The following SUMF1 variants were observed in gnomAD, a reference collection of about 807,000 sequenced individuals.
SUMF1 encodes sulfatase modifying factor 1.
A neutral mutation model predicts 47.6 loss-of-function variants in SUMF1; 48 were observed. The ratio of observed to expected loss-of-function variants is 1.01; its 90% CI spans 0.80 to 1.28. The LOEUF is 1.28. Among genes scored for constraint, SUMF1 ranks in the 50% most tolerant of loss-of-function variants. The probability of loss-of-function intolerance (pLI) is 0.00; values close to 1 mark genes in which losing one functional copy is unlikely to be tolerated. For missense variants in SUMF1, 571 were observed against 485.4 expected, an observed-to-expected ratio of 1.18 and a Z score of -1.66; for synonymous variants, 230 against 192.1, an observed-to-expected ratio of 1.20 and a Z score of -1.63.
intron 8 of SUMF1, among the ~76,000 whole-genome samples, chr3:4,225,591 G>A (rs1041575233): frequency 3.9e-5 from 6 of 152,052 alleles, no homozygotes; most frequent in African/African-American, 1.4e-4. Context: ...AAACAGCACT[G>A]GTGAATAGTC....
Position 4,207,518 on chromosome 3 carries a change from G to A in SUMF1, c.1015-138773C>T, listed in dbSNP as rs111731297. On this transcript the variant is annotated intron_variant and NMD_transcript_variant, in intron 8 of 12. Coordinates refer to the SUMF1 transcript ENST00000448413. The stretch of plus-strand genomic sequence containing the variant: ...TTTGTTGAAAATTTTTACCATGAAT[G>A]TATGTTGGATATTTTCAAACGTTTT... 3.9e-5 allele frequency among the ~76,000 whole-genome samples: 6 copies of A among 152,128 alleles called. 1 individual carries two copies. Among genetic ancestry groups the A allele is most frequent in the South Asian group, 2.1e-4 (1 of 4,814 alleles).
chr3:4,399,890 TGGGACTACA>T (rs1189982715), intron 7 of SUMF1, among the ~76,000 whole-genome samples: 4 of 152,182 alleles, frequency 2.6e-5, no homozygotes, highest in African/African-American at 9.6e-5. Context: ...CCCAAGTAGC[TGGGACTACA>T]GGCCCGTGCC....
chr3:4,426,956 T>G (rs1312603819), intron 3 of SUMF1, among the ~76,000 whole-genome samples: 6 of 152,250 alleles, frequency 3.9e-5, no homozygotes, highest in African/African-American at 1.4e-4. Context: ...CCCACGTGAG[T>G]TTTGAGGTCC....
intron 8 of SUMF1, among the ~76,000 whole-genome samples, chr3:4,170,837 A>G (rs1325871507): frequency 6.6e-6 from 1 of 152,198 alleles, no homozygotes; most frequent in East Asian, 1.9e-4. Context: ...TAGTACAAAA[A>G]GGAGAATAGC....
At chr3:4,148,100 G>A (rs1180238548) in intron 8 of SUMF1, among the ~76,000 whole-genome samples, 1 of 152,066 alleles carries the variant, frequency 6.6e-6, no homozygotes, top group Non-Finnish European at 1.5e-5. Flanking sequence ...CCGTACATAG[G>A]TATAGCTCCT....
intron 7 of SUMF1, among the ~76,000 whole-genome samples, chr3:4,391,471 T>C (rs1700860571): frequency 6.6e-6 from 1 of 152,160 alleles, no homozygotes; most frequent in Non-Finnish European, 1.5e-5. Flanking sequence ...TGAAATTTTT[T>C]CTGCTTTTTA....
intron 9 of SUMF1, among the ~76,000 whole-genome samples, chr3:4,042,634 C>G (rs1387943980): frequency 6.6e-6 from 1 of 152,124 alleles, no homozygotes; most frequent in Non-Finnish European, 1.5e-5. Flanking sequence ...AAAACCATTT[C>G]TTTCTTTTAC....
chr3:4,300,000 G>T (rs1323534889), intron 8 of SUMF1, among the ~76,000 whole-genome samples: 1 of 152,052 alleles, frequency 6.6e-6, no homozygotes, highest in Non-Finnish European at 1.5e-5. Context: ...GATATAATTT[G>T]GATATTTGTC....
At chr3:4,110,060 C>T (rs925394588) in intron 8 of SUMF1, among the ~76,000 whole-genome samples, 3 of 152,118 alleles carry the variant, frequency 2.0e-5, no homozygotes, top group Non-Finnish European at 4.4e-5. Context: ...GTGGTTTTAT[C>T]TACCTTTGGT....
At chr3:4,430,883 G>A (rs1268861620) in intron 3 of SUMF1, among the ~76,000 whole-genome samples, 2 of 152,068 alleles carry the variant, frequency 1.3e-5, no homozygotes, top group Admixed American at 1.3e-4. Context: ...CACACAGGAG[G>A]CCACCTGTAT....
chr3:4,306,405 G>C lies in SUMF1; in HGVS notation c.1014+69925C>G, dbSNP rs866102699. Among the ~76,000 whole-genome samples, 46 of 152,010 alleles carry C rather than the reference G, an allele frequency of 3.0e-4. 1 individual carries two copies. Among genetic ancestry groups the C allele is most frequent in the African/African-American group, 1.1e-3 (45 of 41,378 alleles). ...AAATAAATACGTCTATTTTTAAAAG[G>C]GGAGAAAGGAGTGACAAGAGGAAGC... On this transcript the variant is annotated intron_variant and NMD_transcript_variant, in intron 8 of 12. Coordinates refer to the SUMF1 transcript ENST00000448413.
intron 1 of SUMF1, among the ~76,000 whole-genome samples, chr3:4,458,837 C>G (rs2079736001): frequency 6.6e-6 from 1 of 152,052 alleles, no homozygotes; most frequent in East Asian, 1.9e-4. Context: ...GCCTGGGCAA[C>G]AGAGCTAGAT....
intron 8 of SUMF1, among the ~76,000 whole-genome samples, chr3:4,086,175 C>A (rs1353034308): frequency 6.7e-6 from 1 of 149,910 alleles, no homozygotes; most frequent in Non-Finnish European, 1.5e-5. Flanking sequence ...AACTAAACCA[C>A]TAAAACAATA....
At chr3:4,188,991 C>T (rs1165236336) in intron 8 of SUMF1, among the ~76,000 whole-genome samples, 1 of 152,082 alleles carries the variant, frequency 6.6e-6, no homozygotes, top group Non-Finnish European at 1.5e-5. Context: ...TTTTGACCGA[C>T]AAAAACAATT....
At chr3:4,254,345 AAAG>A (rs1281986161) in intron 8 of SUMF1, among the ~76,000 whole-genome samples, 4 of 151,598 alleles carry the variant, frequency 2.6e-5, no homozygotes, top group African/African-American at 9.7e-5. Context: ...AACCAAAGGC[AAAG>A]AAGTTGAAAA....
intron 7 of SUMF1, among the ~76,000 whole-genome samples, chr3:4,406,529 G>A (rs547248607): frequency 2.0e-5 from 3 of 152,120 alleles, no homozygotes; most frequent in Non-Finnish European, 4.4e-5. Context: ...GTGGTAGCAC[G>A]GGCACCTGTA....
chr3:4,256,611 G>C (rs1355571595), intron 8 of SUMF1, among the ~76,000 whole-genome samples: 2,391 of 150,552 alleles, frequency 0.016, 70 homozygotes, highest in African/African-American at 0.055. Context: ...AGCTGAAATT[G>C]TGGCAATAAT....
rs1056854583 is a variant in SUMF1 at position 4,124,353 on chromosome 3, T to A, written c.1015-55608A>T. 9.9e-5 allele frequency among the ~76,000 whole-genome samples: 15 copies of A among 152,270 alleles called. No homozygotes were observed. The South Asian group carries it at 2.9e-3, about 30-fold the overall frequency. ...GTAGGAGAAGATAATGAGGTCAGTT[T>A]GGTACAAGTAATGTTTATGAAACAC... On this transcript the variant is annotated intron_variant and NMD_transcript_variant, in intron 8 of 12. Transcript: ENST00000448413.
intron 7 of SUMF1, among the ~76,000 whole-genome samples, chr3:4,384,659 AC>A (rs1700612195): frequency 6.6e-6 from 1 of 152,220 alleles, no homozygotes; most frequent in African/African-American, 2.4e-5. Flanking sequence ...CTGCATACCA[AC>A]AATCTATCCC....
Sources: gnomAD v4.1 joint callset for allele counts (sites outside exome capture counted in the v4.1 genomes callset) on GRCh38, gnomAD v4.1.1 for gene constraint, MANE v1.5 for transcripts, NCBI Gene and HGNC (gene_info 2026-07-23, HGNC 2026-07-21) for gene names.